The following CREB3L1 variants were observed in gnomAD, a reference collection of about 807,000 sequenced individuals.
CREB3L1 encodes the protein cAMP responsive element binding protein 3 like 1.
In CREB3L1, 33 loss-of-function variants were observed where a neutral mutation model predicts 54.5. The observed-to-expected ratio is 0.61, with a 90% CI of 0.46 to 0.81. The LOEUF (loss-of-function observed/expected upper bound fraction) is 0.81. Ranked by LOEUF, CREB3L1 falls within the 30% of genes least tolerant of loss-of-function variation. CREB3L1 has a pLI of 0.00. For synonymous variants in CREB3L1, 284 were observed against 286.4 expected, an observed-to-expected ratio of 0.99 and a Z score of 0.08; for missense variants, 656 against 673.3, an observed-to-expected ratio of 0.97 and a Z score of 0.29.
At chr11:46,314,735 T>C (rs2136356998) in intron 8 of CREB3L1, among the ~76,000 whole-genome samples, 1 of 151,572 alleles carries the variant, frequency 6.6e-6, no homozygotes, top group African/African-American at 2.4e-5. Context: ...TGAGACACAG[T>C]CTTGCTCTGT....
chr11:46,315,047 G>A (rs1437273775), intron 8 of CREB3L1: 2 of 180,226 alleles, frequency 1.1e-5, no homozygotes, highest in Admixed American at 1.3e-4. Flanking sequence ...GCCCAGCCAT[G>A]AGCCTGTGGT....
In CREB3L1 at chr11:46,277,946, C is replaced by G. The variant is rs1004365158; in HGVS notation, c.-166C>G. 2.5e-6 allele frequency: 1 copy of G among 406,902 alleles called. No individual in the cohort carries two copies. Among genetic ancestry groups the G allele is most frequent in the African/African-American group, 2.1e-5 (1 of 48,290 alleles). The allele number at this position is 406,902 out of a possible 1,614,324, so 25.2% of individuals were successfully genotyped here. On this transcript the variant is annotated 5_prime_UTR_variant, in exon 1 of 12. Transcript: ENST00000621158. ...CCTAAGGCCCCCGCGCGCCCCGCGC[C>G]CCCCACCCGGGGCCGCGCCGCCTCC...
intron 5 of CREB3L1, among the ~76,000 whole-genome samples, chr11:46,311,814 G>A (rs964067570): frequency 2.4e-4 from 37 of 152,246 alleles, no homozygotes; most frequent in African/African-American, 8.2e-4. Flanking sequence ...AAATCCTTTC[G>A]CCCTGCCTCA....
In CREB3L1 at chr11:46,312,422, C is replaced by T; in HGVS notation, c.851C>T (p.Thr284Ile). 6.2e-7 allele frequency: 1 copy of T among 1,613,890 alleles called. No individual in the cohort carries two copies. Among genetic ancestry groups the T allele is most frequent in the African/African-American group, 1.3e-5 (1 of 75,028 alleles). ...CCCATCCCCACAAAACTCCCCCTCA[C>T]CAAAGCCGAGGAGAAGGCCTTGAAG... is the stretch of plus-strand genomic sequence containing the variant. ...GYPIPTKLPL[T>I]KAEEKALKRV... The change falls in exon 6 of 12, where the codon ACC becomes ATC. Residue 284 changes from threonine (T) to isoleucine (I), a missense_variant. By Grantham distance (89) the Thr-to-Ile change is moderately conservative. This residue lies in a region of CREB3L1 where 77 missense variants were observed against 122.0 expected (regional missense o/e 0.63). Transcript: ENST00000621158.
chr11:46,302,196 A>AAT (rs1939314126), intron 2 of CREB3L1, among the ~76,000 whole-genome samples: 1 of 147,906 alleles, frequency 6.8e-6, no homozygotes, highest in Non-Finnish European at 1.5e-5. Flanking sequence ...TAATAATAAT[A>AAT]ATAATAATAA....
In CREB3L1 at chr11:46,320,261, C is replaced by T. The variant is rs1939628246; in HGVS notation, c.1259-3C>T. 2 of 1,595,314 alleles carry T rather than the reference C, an allele frequency of 1.3e-6. No homozygotes were observed. Among genetic ancestry groups the T allele is most frequent in the Non-Finnish European group, 1.7e-6 (2 of 1,170,712 alleles). On this transcript the variant is annotated splice_polypyrimidine_tract_variant and splice_region_variant and intron_variant, in intron 10 of 11. Coordinates refer to ENST00000621158, the MANE Select transcript of CREB3L1 (RefSeq NM_052854.4). ...CACCGCTCATCCTACACTCCCTCTC[C>T]AGTGCCCTCCCGAAGCCTCCTATTC... is the stretch of plus-strand genomic sequence containing the variant.
At chr11:46,302,944 G>A (rs919284923) in intron 2 of CREB3L1, among the ~76,000 whole-genome samples, 1 of 152,084 alleles carries the variant, frequency 6.6e-6, no homozygotes, top group East Asian at 1.9e-4. Context: ...TTGCACCACT[G>A]CACTCCAGCG....
intron 1 of CREB3L1, among the ~76,000 whole-genome samples, chr11:46,285,121 AG>A (rs1939037376): frequency 6.6e-6 from 1 of 152,004 alleles, no homozygotes; most frequent in Admixed American, 6.6e-5. Context: ...GCACCAGGAG[AG>A]GGGAGCATAA....
At chr11:46,285,703 T>TTGGCTCG (rs1259655649) in intron 1 of CREB3L1, among the ~76,000 whole-genome samples, 1 of 152,178 alleles carries the variant, frequency 6.6e-6, no homozygotes, top group African/African-American at 2.4e-5. Flanking sequence ...TCCTTGGCCG[T>TTGGCTCG]TGGCTCGTGG....
chr11:46,313,607 A>G (rs1054591301), intron 8 of CREB3L1, among the ~76,000 whole-genome samples: 1 of 151,986 alleles, frequency 6.6e-6, no homozygotes, highest in South Asian at 2.1e-4. Context: ...AATCACTTGA[A>G]TCCGAGAGGC....
chr11:46,292,718 C>T (rs1939147694), intron 1 of CREB3L1, among the ~76,000 whole-genome samples: 1 of 152,154 alleles, frequency 6.6e-6, no homozygotes, highest in African/African-American at 2.4e-5. Context: ...CCTCAAACTC[C>T]TGGGCTCAAG....
At position 46,321,313 on chromosome 11, in the gene CREB3L1, G is replaced by A; in HGVS notation, c.*567G>A. 4.0e-6 allele frequency: 1 copy of A among 249,244 alleles called. No individual in the cohort carries two copies. Among genetic ancestry groups the A allele is most frequent in the African/African-American group, 2.2e-5 (1 of 45,910 alleles). 15.4% of individuals were successfully genotyped at this position (249,244 alleles called of 1,614,324 possible). On this transcript the variant is annotated 3_prime_UTR_variant, in exon 12 of 12. Coordinates refer to ENST00000621158, the MANE Select transcript of CREB3L1 (RefSeq NM_052854.4). ...GACCCTCACCTGGCACCCCCCTGCTGCTGCCCAAGCCGCTGGGCCTTTTTA... is the reference window on the plus strand; with the variant it reads ...GACCCTCACCTGGCACCCCCCTGCTACTGCCCAAGCCGCTGGGCCTTTTTA...
chr11:46,290,563 TC>T (rs57660746), intron 1 of CREB3L1, among the ~76,000 whole-genome samples: 1,758 of 151,684 alleles, frequency 0.012, 46 homozygotes, highest in African/African-American at 0.041. Context: ...AACTCTCTCC[TC>T]CCAGTTAGCT....
intron 2 of CREB3L1, among the ~76,000 whole-genome samples, chr11:46,301,457 A>G (rs1939301045): frequency 6.6e-6 from 1 of 150,710 alleles, no homozygotes; most frequent in Non-Finnish European, 1.5e-5. Flanking sequence ...GGCGAACGTG[A>G]TAAAACCCCG....
intron 1 of CREB3L1, among the ~76,000 whole-genome samples, chr11:46,290,516 T>C (rs1431963998): frequency 1.3e-5 from 2 of 151,748 alleles, no homozygotes; most frequent in African/African-American, 4.8e-5. Context: ...TGCAAATCAC[T>C]TCCACATTTG....
In CREB3L1 at chr11:46,278,120, C is replaced by A. The variant is rs910111812; in HGVS notation, c.9C>A (p.Ala3=). The A allele has an allele frequency of 1.1e-5, 17 of 1,554,176 alleles. No homozygotes were observed. The African/African-American group carries it at 1.8e-4, about 16-fold the overall frequency. Residue 3 remains alanine, a synonymous_variant, in exon 1 of 12, where the codon GCC becomes GCA. Transcript: ENST00000621158. This position sits in a 1 kb window ranked among gnomAD's most constrained non-coding sequence, Gnocchi z 4.2. MD[A]VLEPFPADRL... is the part of the protein sequence containing the mutation. ...CCCGGGAGCCGGCTGCGATGGACGC[C>A]GTCTTGGAACCCTTCCCGGCCGACA...
chr11:46,279,215 T>G (rs1462421253), intron 1 of CREB3L1, among the ~76,000 whole-genome samples: 2 of 152,054 alleles, frequency 1.3e-5, no homozygotes, highest in Non-Finnish European at 2.9e-5. Flanking sequence ...TTGAGACTCT[T>G]TACCTGCTGA....
intron 2 of CREB3L1, among the ~76,000 whole-genome samples, chr11:46,303,307 T>C (rs893991301): frequency 2.6e-4 from 40 of 152,102 alleles, no homozygotes; most frequent in Admixed American, 2.4e-3. Context: ...AATATATATA[T>C]ACAAAATACC....
At chr11:46,312,116 C>G (rs1397875840) in intron 5 of CREB3L1, among the ~76,000 whole-genome samples, 1 of 152,194 alleles carries the variant, frequency 6.6e-6, no homozygotes, top group Non-Finnish European at 1.5e-5. Context: ...GAACAATGCA[C>G]TAAGAGCCTA....
Sources: allele counts gnomAD v4.1 joint callset (sites outside exome capture counted in the v4.1 genomes callset), GRCh38; gene constraint gnomAD v4.1.1; regional missense constraint gnomAD v4.1.1; non-coding constraint Gnocchi (gnomAD v3.1); transcripts MANE v1.5; gene names NCBI Gene and HGNC (gene_info 2026-07-23, HGNC 2026-07-21).